SGMS1: variants seen among roughly 807,000 people sequenced by gnomAD.
SGMS1 encodes the protein phosphatidylcholine:ceramide cholinephosphotransferase 1.
In SGMS1, 13 loss-of-function variants were observed where a neutral mutation model predicts 46.2. The ratio of observed to expected loss-of-function variants is 0.28; its 90% confidence interval spans 0.18 to 0.45. The LOEUF (loss-of-function observed/expected upper bound fraction) is 0.45. Among genes scored for constraint, SGMS1 ranks in the 20% least tolerant of loss-of-function variants. SGMS1 has a pLI of 1.00. For synonymous variants in SGMS1, 203 were observed against 187.8 expected (o/e 1.08, Z -0.66); for missense variants, 324 against 519.9 (o/e 0.62, Z 3.66).
chr10:50,378,726 G>C (rs1006963522), intron 6 of SGMS1, among the ~76,000 whole-genome samples: 1 of 152,122 alleles, frequency 6.6e-6, no homozygotes, highest in Non-Finnish European at 1.5e-5. Context: ...TTTTAAGTGG[G>C]ATTAATCACT....
intron 6 of SGMS1, among the ~76,000 whole-genome samples, chr10:50,344,722 A>G (rs1224768899): frequency 1.3e-5 from 2 of 152,094 alleles, no homozygotes; most frequent in African/African-American, 4.8e-5. Flanking sequence ...ACAAAAAATT[A>G]GCCGGGTGTG....
At chr10:50,435,299 T>C (rs1849461194) in intron 5 of SGMS1, among the ~76,000 whole-genome samples, 1 of 152,214 alleles carries the variant, frequency 6.6e-6, no homozygotes, top group Non-Finnish European at 1.5e-5. Context: ...ATATATGCAC[T>C]GTGTCCATCA....
chr10:50,548,612 A>C (rs1333889339), intron 2 of SGMS1, among the ~76,000 whole-genome samples: 1 of 152,246 alleles, frequency 6.6e-6, no homozygotes, highest in African/African-American at 2.4e-5. Flanking sequence ...AATCCCTAGA[A>C]GAAAGTCTAG....
intron 2 of SGMS1, among the ~76,000 whole-genome samples, chr10:50,525,705 G>A (rs1459270456): frequency 6.6e-6 from 1 of 152,220 alleles, no homozygotes; most frequent in African/African-American, 2.4e-5. Context: ...AAACAAGGGA[G>A]ACTCTACCAC....
At chr10:50,393,944 T>A (rs995023151) in intron 6 of SGMS1, among the ~76,000 whole-genome samples, 1 of 152,172 alleles carries the variant, frequency 6.6e-6, no homozygotes, top group Non-Finnish European at 1.5e-5. Context: ...TAGGACAAGG[T>A]ACTCATTACC....
intron 2 of SGMS1, among the ~76,000 whole-genome samples, chr10:50,559,998 T>C (rs990496987): frequency 5.3e-5 from 8 of 150,870 alleles, no homozygotes; most frequent in African/African-American, 1.7e-4. Flanking sequence ...GAACTTTCAC[T>C]ATTTTTCCTT....
At chr10:50,317,251 C>T (rs1189795969) in intron 8 of SGMS1, among the ~76,000 whole-genome samples, 2 of 152,202 alleles carry the variant, frequency 1.3e-5, no homozygotes, top group Non-Finnish European at 2.9e-5. Flanking sequence ...CTGCCTCTTA[C>T]AATTTCTCCG....
intron 2 of SGMS1, among the ~76,000 whole-genome samples, chr10:50,543,994 C>T (rs1468385148): frequency 6.6e-6 from 1 of 152,184 alleles, no homozygotes; most frequent in Admixed American, 6.5e-5. Flanking sequence ...ATGGGCAGCA[C>T]TACCAAAATC....
intron 6 of SGMS1, among the ~76,000 whole-genome samples, chr10:50,348,496 A>T (rs11005293): frequency 0.035 from 5,368 of 152,210 alleles, 326 homozygotes; most frequent in African/African-American, 0.12. Context: ...ATGTGCAAAA[A>T]TTACTAGCAT....
At chr10:50,371,477 A>G (rs2842106) in intron 6 of SGMS1, among the ~76,000 whole-genome samples, 52,432 of 152,094 alleles carry the variant, frequency 0.34, 9,230 homozygotes, top group South Asian at 0.41. Flanking sequence ...TCTTAAAATA[A>G]AACCCACACT....
intron 2 of SGMS1, among the ~76,000 whole-genome samples, chr10:50,551,886 C>A (rs1435207329): frequency 6.6e-6 from 1 of 152,074 alleles, no homozygotes; most frequent in Non-Finnish European, 1.5e-5. Flanking sequence ...CTGAAGATAC[C>A]ACCTCCCTGA....
chr10:50,359,258 T>G (rs1848206987), intron 6 of SGMS1, among the ~76,000 whole-genome samples: 1 of 152,050 alleles, frequency 6.6e-6, no homozygotes, highest in African/African-American at 2.4e-5. Context: ...TCCTCCACAC[T>G]GTGTTTATTC....
intron 2 of SGMS1, among the ~76,000 whole-genome samples, chr10:50,584,498 CA>C (rs751224205): frequency 0.32 from 22,417 of 69,572 alleles, 1,260 homozygotes; most frequent in Middle Eastern, 0.37. Context: ...GACTCCATCT[CA>C]AAAAAAAAAA....
intron 3 of SGMS1, among the ~76,000 whole-genome samples, chr10:50,516,375 G>A (rs1448645416): frequency 6.6e-6 from 1 of 152,154 alleles, no homozygotes; most frequent in African/African-American, 2.4e-5. Context: ...TGCATTCCAT[G>A]TGAAGAAGAA....
chr10:50,343,401 C>T lies in SGMS1; in HGVS notation c.623+91G>A. ...AAAAAATAGTATGTTTTGATCCCAA[C>T]AAGTTGATAAATTTCATTTATAAAT... On this transcript the variant is annotated intron_variant, in intron 7 of 10. Coordinates refer to ENST00000361781, the MANE Select transcript of SGMS1 (RefSeq NM_147156.4). 4 of 1,367,388 alleles carry T rather than the reference C, an allele frequency of 2.9e-6. No homozygotes were observed. The South Asian group carries it at 6.3e-5, about 22-fold the overall frequency. 84.7% of individuals were successfully genotyped at this position (1,367,388 alleles called of 1,614,324 possible).
chr10:50,445,320 A>G (rs975232599), intron 5 of SGMS1, among the ~76,000 whole-genome samples: 14 of 152,222 alleles, frequency 9.2e-5, no homozygotes, highest in Admixed American at 8.5e-4. Flanking sequence ...AATTTTTTAT[A>G]AGATTAAATA....
intron 5 of SGMS1, among the ~76,000 whole-genome samples, chr10:50,443,474 C>T (rs1849571310): frequency 6.6e-6 from 1 of 151,376 alleles, no homozygotes; most frequent in Admixed American, 6.6e-5. Context: ...AACAGGTGTC[C>T]AGAAAACAAT....
chr10:50,401,297 ACT>A, intron 6 of SGMS1, among the ~76,000 whole-genome samples: 1 of 152,230 alleles, frequency 6.6e-6, no homozygotes, highest in East Asian at 1.9e-4. Context: ...AATACTAGAA[ACT>A]CTTTCTTTAA....
At chr10:50,409,046 G>T (rs772593441) in intron 6 of SGMS1, among the ~76,000 whole-genome samples, 2 of 152,168 alleles carry the variant, frequency 1.3e-5, no homozygotes, top group Non-Finnish European at 2.9e-5. Context: ...AGACCCAGTA[G>T]TGAGAGGCAC....
Sources: gnomAD v4.1 joint callset for allele counts (sites outside exome capture counted in the v4.1 genomes callset) on GRCh38, gnomAD v4.1.1 for gene constraint, MANE v1.5 for transcripts, NCBI Gene and HGNC (gene_info 2026-07-23, HGNC 2026-07-21) for gene names.